The following GRAMD1C variants were observed in gnomAD, a reference collection of about 807,000 sequenced individuals.
The protein encoded by GRAMD1C is GRAM domain containing 1C, also known as protein Aster-C.
Under a neutral mutation model 97.8 loss-of-function variants are expected in GRAMD1C, and 89 were observed. The ratio of observed to expected loss-of-function variants is 0.91; its 90% CI spans 0.77 to 1.09. GRAMD1C has a LOEUF of 1.09. GRAMD1C is among the 50% of genes least tolerant of loss of function. The pLI, the probability that GRAMD1C is intolerant of heterozygous loss-of-function variation, is 0.00. For synonymous variants in GRAMD1C, 256 were observed against 267.0 expected, an observed-to-expected ratio of 0.96 and a Z score of 0.40; for missense variants, 740 against 766.4, an observed-to-expected ratio of 0.97 and a Z score of 0.41.
At chr3:113,910,283 T>C (rs1020607174) in intron 9 of GRAMD1C, among the ~76,000 whole-genome samples, 3 of 152,268 alleles carry the variant, frequency 2.0e-5, no homozygotes, top group South Asian at 2.1e-4. Context: ...CTCGGGAGGC[T>C]GAGGCAGGAG....
In GRAMD1C at chr3:113,946,032, T is replaced by A. The variant is rs1402855194; in HGVS notation, c.*554T>A. On this transcript the variant is annotated 3_prime_UTR_variant, in exon 18 of 18. Coordinates refer to ENST00000358160, the MANE Select transcript of GRAMD1C (RefSeq NM_017577.5). ...AAATTTAATAGTCAAACTTTTTGAATCTGCATGTTGATGATGATTATCAGA... is the reference window on the plus strand; with the variant it reads ...AAATTTAATAGTCAAACTTTTTGAAACTGCATGTTGATGATGATTATCAGA... 6.6e-6 allele frequency: 1 copy of A among 152,370 alleles called. No homozygotes were observed. Among genetic ancestry groups the A allele is most frequent in the Non-Finnish European group, 1.5e-5 (1 of 68,052 alleles). The allele number at this position is 152,370 out of a possible 1,614,324, so 9.4% of individuals were successfully genotyped here.
chr3:113,850,464 C>T, intron 2 of GRAMD1C: 1 of 1,451,498 alleles, frequency 6.9e-7, no homozygotes, highest in Non-Finnish European at 9.6e-7. Flanking sequence ...AGGGTGGCAG[C>T]ACAGTCTCCG....
chr3:113,915,987 A>C, intron 10 of GRAMD1C, 149 bp downstream of exon 10: 1 of 628,284 alleles, frequency 1.6e-6, no homozygotes, highest in Non-Finnish European at 2.7e-6. Context: ...CTGGTATTCA[A>C]ATGTTTGGTT....
chr3:113,886,637 A>G (rs1040055850), intron 6 of GRAMD1C, among the ~76,000 whole-genome samples: 4 of 152,236 alleles, frequency 2.6e-5, no homozygotes, highest in Admixed American at 2.6e-4. Context: ...AAAAAAATAA[A>G]TTAGAAAAAG....
At chr3:113,920,038 G>T in intron 10 of GRAMD1C, 1 of 883,636 alleles carries the variant, frequency 1.1e-6, no homozygotes, top group South Asian at 1.4e-5. Context: ...GGTACTTTTT[G>T]AATTTAGTGT....
intron 6 of GRAMD1C, chr3:113,890,686 C>T (rs748276627): frequency 2.9e-5 from 20 of 683,580 alleles, no homozygotes; most frequent in Non-Finnish European, 4.5e-5. Context: ...GCACCAGCGA[C>T]ATCGCAGACT....
rs1937614092 is a variant in GRAMD1C, at chr3:113,938,016, A to AG, written c.1634-70_1634-69insG. On this transcript the variant is annotated intron_variant, in intron 14 of 17. Coordinates refer to ENST00000358160, the MANE Select transcript of GRAMD1C (RefSeq NM_017577.5). The stretch of plus-strand genomic sequence containing the variant: ...GCGAAACTCCTTCTCAAAAAAAAAA[A>AG]AAAAAAAAATTTGGATCAGTTGTAA... 4.7e-6 allele frequency: 4 copies of AG among 858,106 alleles called. No homozygotes were observed. The Admixed American group carries it at 1.2e-4, about 25-fold the overall frequency. 53.2% of individuals were successfully genotyped at this position (858,106 alleles called of 1,614,324 possible). A position where few individuals can be genotyped will look rare whatever the true frequency, so the allele number is the denominator to read the frequency against.
intron 6 of GRAMD1C, among the ~76,000 whole-genome samples, chr3:113,888,804 T>G (rs1345270431): frequency 6.6e-6 from 1 of 152,266 alleles, no homozygotes; most frequent in Non-Finnish European, 1.5e-5. Flanking sequence ...ACCATAGATC[T>G]GTTCTTGCAA....
At chr3:113,898,659 T>C (rs115719382) in intron 6 of GRAMD1C, among the ~76,000 whole-genome samples, 3,309 of 152,234 alleles carry the variant, frequency 0.022, 63 homozygotes, top group Non-Finnish European at 0.033. Context: ...TAATAAATAT[T>C]AAAACATCAC....
At chr3:113,908,516 C>A (rs1936447937) in intron 8 of GRAMD1C, among the ~76,000 whole-genome samples, 1 of 152,132 alleles carries the variant, frequency 6.6e-6, no homozygotes, top group Non-Finnish European at 1.5e-5. Flanking sequence ...CATTTTCTTT[C>A]CATTTCCCTG....
At chr3:113,901,907 A>G (rs748298548) in intron 7 of GRAMD1C, among the ~76,000 whole-genome samples, 20 of 152,254 alleles carry the variant, frequency 1.3e-4, no homozygotes, top group Non-Finnish European at 2.9e-4. Flanking sequence ...AATGGAGTCT[A>G]GAACTGGTAA....
In GRAMD1C at chr3:113,945,716, A is replaced by T. The variant is rs1226807908; in HGVS notation, c.*238A>T. Reference sequence around the variant, plus strand: ...AAGCTGTGAATTTCTTCAGTGAACCATGAAATATATTATAGAACTGAATTT... The same window carrying T: ...AAGCTGTGAATTTCTTCAGTGAACCTTGAAATATATTATAGAACTGAATTT... On this transcript the variant is annotated 3_prime_UTR_variant, in exon 18 of 18. Transcript: ENST00000358160. The T allele has an allele frequency of 6.7e-6, 3 of 446,500 alleles. No homozygotes were observed. The highest frequency in any genetic ancestry group is 1.2e-5 in the Non-Finnish European group (3 of 252,070). The allele number at this position is 446,500 out of a possible 1,614,324, so 27.7% of individuals were successfully genotyped here. A position where few individuals can be genotyped will look rare whatever the true frequency, so the allele number is the denominator to read the frequency against.
intron 6 of GRAMD1C, among the ~76,000 whole-genome samples, chr3:113,885,086 G>C (rs1214666069): frequency 6.6e-6 from 1 of 151,690 alleles, no homozygotes; most frequent in Non-Finnish European, 1.5e-5. Flanking sequence ...GCCCCCGCGG[G>C]CTGCCCACGC....
intron 4 of GRAMD1C, chr3:113,875,807 T>G (rs919063698): frequency 2.0e-5 from 8 of 409,278 alleles, no homozygotes; most frequent in Non-Finnish European, 3.4e-5. Flanking sequence ...GAAAGATATT[T>G]TAATTGAAAA....
At chr3:113,906,865 T>A (rs1259315297) in intron 8 of GRAMD1C, among the ~76,000 whole-genome samples, 1 of 152,212 alleles carries the variant, frequency 6.6e-6, no homozygotes, top group Non-Finnish European at 1.5e-5. Flanking sequence ...GTACTTTTGC[T>A]ATGTTTACAT....
intron 10 of GRAMD1C, among the ~76,000 whole-genome samples, chr3:113,917,317 G>A (rs1342706172): frequency 1.3e-5 from 2 of 152,082 alleles, no homozygotes; most frequent in Non-Finnish European, 2.9e-5. Context: ...TTATTCTATA[G>A]TCAATTTTAT....
chr3:113,866,117 G>A (rs577009175), intron 2 of GRAMD1C, among the ~76,000 whole-genome samples: 1 of 152,100 alleles, frequency 6.6e-6, no homozygotes, highest in African/African-American at 2.4e-5. Context: ...AAATGTTCAA[G>A]TCTCTTATAT....
In GRAMD1C at chr3:113,857,542, AT is replaced by A. The variant is rs376445513; in HGVS notation, c.175-11958del. ...GGGCGCCCACCACCACGCCTGGCTA[AT>A]TTTTTTGTATTTTTAGTAGGGACGG... On this transcript the variant is annotated intron_variant, in intron 2 of 17. Transcript: ENST00000358160. Among the ~76,000 whole-genome samples the A allele has an allele frequency of 4.3e-3, 652 of 151,804 alleles. 2 individuals are homozygous for A. Among genetic ancestry groups the A allele is most frequent in the Middle Eastern group, 0.014 (4 of 294 alleles).
chr3:113,876,035 T>C lies in GRAMD1C; in HGVS notation c.364-130T>C. On this transcript the variant is annotated intron_variant, in intron 4 of 17. Coordinates refer to ENST00000358160, the MANE Select transcript of GRAMD1C (RefSeq NM_017577.5). ...TACAAGCGTGTACTTATTAACTCCT[T>C]CAAGTCGAAAAACCTGAAGAATATT... The C allele has an allele frequency of 5.0e-6, 3 of 600,530 alleles. No homozygotes were observed. In the South Asian group the frequency reaches 6.8e-5, roughly 14 times the overall value. The allele number at this position is 600,530 out of a possible 1,614,324, so 37.2% of individuals were successfully genotyped here. A position where few individuals can be genotyped will look rare whatever the true frequency, so the allele number is the denominator to read the frequency against.
Sources: allele counts gnomAD v4.1 joint callset (sites outside exome capture counted in the v4.1 genomes callset), GRCh38; gene constraint gnomAD v4.1.1; transcripts MANE v1.5; gene names NCBI Gene and HGNC (gene_info 2026-07-23, HGNC 2026-07-21).